The following NBEA variants were observed in gnomAD, a reference collection of about 807,000 sequenced individuals.
NBEA encodes the protein lysosomal-trafficking regulator 2.
NBEA carries 44 observed loss-of-function variants against 343.4 expected under a neutral mutation model. The observed-to-expected ratio is 0.13, with a 90% confidence interval of 0.10 to 0.16. NBEA has a LOEUF of 0.16. Among genes scored for constraint, NBEA ranks in the 10% least tolerant of loss-of-function variants. NBEA has a pLI of 1.00. For missense variants in NBEA, 2,555 were observed against 3,631.3 expected (o/e 0.70, Z 7.62); for synonymous variants, 1,175 against 1,238.7 (o/e 0.95, Z 1.08).
intron 34 of NBEA, among the ~76,000 whole-genome samples, chr13:35,237,736 A>G (rs1031065269): frequency 2.6e-5 from 4 of 152,218 alleles, no homozygotes; most frequent in African/African-American, 9.6e-5. Flanking sequence ...TACTCTTTTA[A>G]CTTCAAATAG....
chr13:35,264,439 T>TA (rs1330480091), intron 34 of NBEA, among the ~76,000 whole-genome samples: 1 of 151,600 alleles, frequency 6.6e-6, no homozygotes. Flanking sequence ...CCAAAGACAT[T>TA]ATGAAAAAAG....
At chr13:35,277,982 G>C (rs944010380) in intron 34 of NBEA, among the ~76,000 whole-genome samples, 1 of 151,556 alleles carries the variant, frequency 6.6e-6, no homozygotes, top group South Asian at 2.1e-4. Flanking sequence ...AGCTACTTGG[G>C]AGGCTGAGGC....
chr13:35,549,883 G>A (rs1410869301), intron 41 of NBEA, among the ~76,000 whole-genome samples: 1 of 152,136 alleles, frequency 6.6e-6, no homozygotes, highest in Non-Finnish European at 1.5e-5. Context: ...GCTCATACTT[G>A]TTGTAAATAA....
At chr13:35,086,202 C>T (rs2064752154) in intron 10 of NBEA, among the ~76,000 whole-genome samples, 1 of 152,098 alleles carries the variant, frequency 6.6e-6, no homozygotes, top group African/African-American at 2.4e-5. Context: ...CTACCAATGA[C>T]TTTCTTCACA....
At chr13:35,315,203 A>G (rs1401470575) in intron 36 of NBEA, among the ~76,000 whole-genome samples, 2 of 152,234 alleles carry the variant, frequency 1.3e-5, no homozygotes, top group Non-Finnish European at 2.9e-5. Context: ...AGTAGAAATT[A>G]TTATAAATGT....
chr13:35,528,080 G>A (rs2078071756), intron 41 of NBEA, among the ~76,000 whole-genome samples: 1 of 152,126 alleles, frequency 6.6e-6, no homozygotes, highest in Non-Finnish European at 1.5e-5. Context: ...TTATTATATG[G>A]ATGCATTATC....
chr13:35,055,000 G>A (rs993836032), intron 6 of NBEA, among the ~76,000 whole-genome samples: 4 of 152,000 alleles, frequency 2.6e-5, no homozygotes, highest in Non-Finnish European at 4.4e-5. Flanking sequence ...AAGTATTTTA[G>A]ATACCTTGAA....
At chr13:35,048,237 T>C (rs1238287623) in intron 4 of NBEA, among the ~76,000 whole-genome samples, 3 of 151,978 alleles carry the variant, frequency 2.0e-5, no homozygotes, top group South Asian at 2.1e-4. Flanking sequence ...AAAACTGAAA[T>C]TGGGAGGCTT....
At chr13:34,986,876 C>T (rs913172500) in intron 1 of NBEA, among the ~76,000 whole-genome samples, 1 of 150,878 alleles carries the variant, frequency 6.6e-6, no homozygotes, top group Admixed American at 6.6e-5. Flanking sequence ...GTAGCTCTTC[C>T]TCCATCCCTT....
At chr13:35,272,564 T>C (rs1289469240) in intron 34 of NBEA, among the ~76,000 whole-genome samples, 2 of 151,954 alleles carry the variant, frequency 1.3e-5, no homozygotes, top group Non-Finnish European at 2.9e-5. Flanking sequence ...GACTGGCAAA[T>C]TGGATAAAGA....
At chr13:35,470,031 C>T (rs965687584) in intron 40 of NBEA, among the ~76,000 whole-genome samples, 3 of 152,218 alleles carry the variant, frequency 2.0e-5, no homozygotes, top group Non-Finnish European at 4.4e-5. Context: ...GGTTTGCTCC[C>T]TGAAGACTAC....
chr13:35,506,143 G>T (rs1336030159), intron 41 of NBEA, among the ~76,000 whole-genome samples: 1 of 152,108 alleles, frequency 6.6e-6, no homozygotes, highest in Non-Finnish European at 1.5e-5. Context: ...GCTTACTGCA[G>T]CCTTAAACTC....
In NBEA at chr13:35,028,577, T is replaced by C. The variant is rs1315990048; in HGVS notation, c.295-12356T>C. The stretch of plus-strand genomic sequence containing the variant: ...GGTGATTTCTTTAGGCCGGTTCATG[T>C]CATATGCAGATGGAACAGTTTTATT... On this transcript the variant is annotated intron_variant, in intron 1 of 58. Coordinates refer to ENST00000379939, the MANE Select transcript of NBEA (RefSeq NM_001385012.1). Among the ~76,000 whole-genome samples, 4 of 151,978 alleles carry C rather than the reference T, an allele frequency of 2.6e-5. No individual in the cohort carries two copies. The East Asian group carries it at 7.7e-4, about 29-fold the overall frequency.
chr13:35,304,751 G>T (rs886445509), intron 35 of NBEA, among the ~76,000 whole-genome samples: 3 of 151,722 alleles, frequency 2.0e-5, no homozygotes, highest in African/African-American at 7.3e-5. Context: ...TAAAAAAATT[G>T]TTTTTAAAAA....
At chr13:35,174,128 C>CT (rs2070692640) in intron 27 of NBEA, among the ~76,000 whole-genome samples, 1 of 152,100 alleles carries the variant, frequency 6.6e-6, no homozygotes, top group Admixed American at 6.6e-5. Flanking sequence ...GCTCTCAGCC[C>CT]TTTACCCTTG....
At chr13:35,166,823 T>G (rs1355642471) in intron 24 of NBEA, among the ~76,000 whole-genome samples, 1 of 151,924 alleles carries the variant, frequency 6.6e-6, no homozygotes, top group Non-Finnish European at 1.5e-5. Context: ...ATGAGGGAAA[T>G]TAAACCGAAT....
chr13:35,081,133 C>A (rs1297595986), intron 10 of NBEA, among the ~76,000 whole-genome samples: 1 of 152,142 alleles, frequency 6.6e-6, no homozygotes, highest in Non-Finnish European at 1.5e-5. Context: ...AGGGAAGTTT[C>A]ATGTGCCTCA....
intron 1 of NBEA, among the ~76,000 whole-genome samples, chr13:34,986,106 A>C (rs1332481225): frequency 6.7e-6 from 1 of 150,284 alleles, no homozygotes; most frequent in African/African-American, 2.4e-5. Context: ...TTGCTTCTCT[A>C]GTTCTTTTAA....
At chr13:35,380,261 A>T (rs2041947662) in intron 38 of NBEA, among the ~76,000 whole-genome samples, 1 of 152,050 alleles carries the variant, frequency 6.6e-6, no homozygotes, top group Non-Finnish European at 1.5e-5. Flanking sequence ...CCTCGCCAAC[A>T]TGGTGAAACC....
Sources: gnomAD v4.1 joint callset for allele counts (sites outside exome capture counted in the v4.1 genomes callset) on GRCh38, gnomAD v4.1.1 for gene constraint, MANE v1.5 for transcripts, NCBI Gene and HGNC (gene_info 2026-07-23, HGNC 2026-07-21) for gene names.